The following DAP3 variants were observed in gnomAD, a reference collection of about 807,000 sequenced individuals.
DAP3 encodes the protein small ribosomal subunit protein mS29.
Under a neutral mutation model 51.9 loss-of-function variants are expected in DAP3, and 28 were observed. That is an observed-to-expected ratio of 0.54 (90% confidence interval 0.40 to 0.74). DAP3 has a LOEUF of 0.74. Among genes scored for constraint, DAP3 ranks in the 30% least tolerant of loss-of-function variants. The pLI is 0.00. For missense variants in DAP3, 458 were observed against 483.5 expected, an observed-to-expected ratio of 0.95 and a Z score of 0.49; for synonymous variants, 170 against 170.3, an observed-to-expected ratio of 1.00 and a Z score of 0.01.
intron 1 of DAP3, among the ~76,000 whole-genome samples, chr1:155,693,509 C>T (rs879639012): frequency 7.0e-6 from 1 of 141,934 alleles, no homozygotes; most frequent in Non-Finnish European, 1.5e-5. Context: ...GCATGTTTTT[C>T]AGTGTAAATA....
chr1:155,735,791 C>A (rs1659714054), intron 11 of DAP3, among the ~76,000 whole-genome samples: 2 of 151,248 alleles, frequency 1.3e-5, no homozygotes, highest in South Asian at 4.2e-4. Flanking sequence ...CCTGCCTCAG[C>A]CTCCCAAGTA....
At chr1:155,716,269 A>G (rs1033376948) in intron 2 of DAP3, among the ~76,000 whole-genome samples, 2 of 152,182 alleles carry the variant, frequency 1.3e-5, no homozygotes, top group African/African-American at 4.8e-5. Context: ...TTTTACATAG[A>G]AGAAAAATGT....
chr1:155,713,981 G>A (rs1657026254), intron 2 of DAP3, among the ~76,000 whole-genome samples: 1 of 152,208 alleles, frequency 6.6e-6, no homozygotes, highest in African/African-American at 2.4e-5. Context: ...TTGACTGGAG[G>A]TGTCTGGCAA....
intron 2 of DAP3, among the ~76,000 whole-genome samples, chr1:155,711,874 T>C (rs1656760361): frequency 6.6e-6 from 1 of 151,150 alleles, no homozygotes. Context: ...GTCCAAAAGC[T>C]GAAGAACTTG....
intron 11 of DAP3, among the ~76,000 whole-genome samples, chr1:155,735,028 G>T (rs1659609819): frequency 6.6e-6 from 1 of 151,514 alleles, no homozygotes. Context: ...ACTTTGGGAG[G>T]CCGAGGCGGG....
At chr1:155,708,540 G>GTTT (rs151238139) in intron 1 of DAP3, among the ~76,000 whole-genome samples, 12 of 103,262 alleles carry the variant, frequency 1.2e-4, no homozygotes, top group Admixed American at 2.0e-4. Flanking sequence ...TTCTGTTTTT[G>GTTT]TTTTTTTTTT....
At chr1:155,712,344 G>A (rs1656811230) in intron 2 of DAP3, among the ~76,000 whole-genome samples, 1 of 152,092 alleles carries the variant, frequency 6.6e-6, no homozygotes, top group South Asian at 2.1e-4. Context: ...CAGGCATGGT[G>A]GCTTACACCT....
rs546307405 is a variant in DAP3, at chr1:155,724,605, C to G, written c.271-777C>G. ...CCGAGATCACACCACTGCACTCTAGCCTGGGTGACAGAGTGAGACTCTGTC... is the reference window on the plus strand; with the variant it reads ...CCGAGATCACACCACTGCACTCTAGGCTGGGTGACAGAGTGAGACTCTGTC... On this transcript the variant is annotated intron_variant, in intron 4 of 12. Transcript: ENST00000368336. Among the ~76,000 whole-genome samples the G allele has an allele frequency of 2.0e-5, 3 of 147,492 alleles. No homozygotes were observed. In the South Asian group the frequency reaches 6.4e-4, roughly 31 times the overall value.
intron 2 of DAP3, among the ~76,000 whole-genome samples, chr1:155,715,132 G>A (rs1657174560): frequency 6.6e-6 from 1 of 151,770 alleles, no homozygotes; most frequent in Non-Finnish European, 1.5e-5. Context: ...GAACCCAGGA[G>A]GCGGAGGTTG....
At chr1:155,709,119 A>G (rs1656377413) in intron 1 of DAP3, 1 of 151,606 alleles carries the variant, frequency 6.6e-6, no homozygotes, top group Non-Finnish European at 1.5e-5. Flanking sequence ...AAGTGCTGGG[A>G]TTACAGGTAT....
chr1:155,722,681 G>A (rs1206345384), intron 4 of DAP3, among the ~76,000 whole-genome samples: 1 of 152,002 alleles, frequency 6.6e-6, no homozygotes, highest in Non-Finnish European at 1.5e-5. Flanking sequence ...AGTCATGTGT[G>A]GTAGCTGCTT....
chr1:155,734,880 A>C (rs980005883), intron 11 of DAP3, among the ~76,000 whole-genome samples: 2 of 152,196 alleles, frequency 1.3e-5, no homozygotes, highest in African/African-American at 4.8e-5. Flanking sequence ...CTGTAACTCT[A>C]ATCTAAAATA....
intron 11 of DAP3, among the ~76,000 whole-genome samples, chr1:155,733,829 T>C (rs1268196637): frequency 6.6e-6 from 1 of 151,586 alleles, no homozygotes; most frequent in Non-Finnish European, 1.5e-5. Context: ...AAAGCAAGAC[T>C]CCGTCTCAAG....
In DAP3 at chr1:155,736,498, A is replaced by C. The variant is rs533356645; in HGVS notation, c.994-448A>C. The stretch of plus-strand genomic sequence containing the variant: ...ATGTGTAGTGGAGCAATCGCAGCTC[A>C]CTGCAATCTCAACCTCCTGGTCTCA... On this transcript the variant is annotated intron_variant, in intron 11 of 12. Transcript: ENST00000368336. The C allele has an allele frequency of 5.5e-5, 12 of 218,944 alleles. No homozygotes were observed. The South Asian group carries it at 8.3e-4, about 15-fold the overall frequency. The allele number at this position is 218,944 out of a possible 1,614,324, so 13.6% of individuals were successfully genotyped here.
intron 6 of DAP3, 131 bp downstream of exon 6, chr1:155,726,150 G>C: frequency 1.4e-6 from 1 of 737,770 alleles, no homozygotes; most frequent in Non-Finnish European, 2.0e-6. Flanking sequence ...TTTCGCTCTT[G>C]TCGGCCAGTC....
At chr1:155,732,851 C>T (rs868166545) in intron 11 of DAP3, among the ~76,000 whole-genome samples, 3 of 151,868 alleles carry the variant, frequency 2.0e-5, no homozygotes, top group South Asian at 4.2e-4. Flanking sequence ...GGTGAAACCC[C>T]GTCTCTACTA....
rs749493060 is a variant in DAP3, at chr1:155,721,501, C to T, written c.169-16C>T. ...ACTTTGTCACCATTATACCTGTTTG[C>T]ACTCTTATTTCCTAGGCCAAGCATG... On this transcript the variant is annotated splice_polypyrimidine_tract_variant and intron_variant, in intron 3 of 12. Transcript: ENST00000368336. 1.9e-6 allele frequency: 3 copies of T among 1,613,056 alleles called. No homozygotes were observed. Among genetic ancestry groups the T allele is most frequent in the Non-Finnish European group, 2.5e-6 (3 of 1,179,490 alleles).
chr1:155,735,778 T>G (rs1442570969), intron 11 of DAP3, among the ~76,000 whole-genome samples: 1 of 151,418 alleles, frequency 6.6e-6, no homozygotes, highest in Non-Finnish European at 1.5e-5. Context: ...TTCAAGTGAT[T>G]CTCCTGCCTC....
chr1:155,691,620 CATA>C (rs1272821133), intron 1 of DAP3, among the ~76,000 whole-genome samples: 1 of 141,674 alleles, frequency 7.1e-6, no homozygotes, highest in Non-Finnish European at 1.5e-5. Context: ...ATTGCAGGTT[CATA>C]TGGTAACTCC....
Sources: gnomAD v4.1 joint callset for allele counts (sites outside exome capture counted in the v4.1 genomes callset) on GRCh38, gnomAD v4.1.1 for gene constraint, MANE v1.5 for transcripts, NCBI Gene and HGNC (gene_info 2026-07-23, HGNC 2026-07-21) for gene names.